DAB1: variants seen among roughly 807,000 people sequenced by gnomAD.
The protein encoded by DAB1 is DAB adaptor protein 1, also known as disabled homolog 1.
DAB1 carries 15 observed loss-of-function variants against 64.6 expected under a neutral mutation model. That is an observed-to-expected ratio of 0.23 (90% CI 0.16 to 0.36). The LOEUF (loss-of-function observed/expected upper bound fraction) is 0.36, where lower values mean the gene tolerates loss of function less well. Ranked by LOEUF, DAB1 falls within the 10% of genes least tolerant of loss-of-function variation. The pLI is 1.00. For synonymous variants in DAB1, 235 were observed against 251.9 expected (o/e 0.93, Z 0.64); for missense variants, 596 against 706.7 (o/e 0.84, Z 1.78).
chr1:57,990,922 C>T (rs1419198690), intron 5 of DAB1, among the ~76,000 whole-genome samples: 1 of 152,110 alleles, frequency 6.6e-6, no homozygotes, highest in African/African-American at 2.4e-5. Context: ...GTTTGGACAC[C>T]AGGAGTCATA....
intron 1 of DAB1, among the ~76,000 whole-genome samples, chr1:57,394,615 T>C (rs1682656622): frequency 6.6e-6 from 1 of 152,248 alleles, no homozygotes; most frequent in African/African-American, 2.4e-5. Flanking sequence ...TAGCTGACCA[T>C]GCCCTTTGAG....
chr1:57,299,755 G>C (rs1570208598), intron 1 of DAB1, among the ~76,000 whole-genome samples: 2 of 152,238 alleles, frequency 1.3e-5, no homozygotes, highest in South Asian at 4.1e-4. Context: ...GCAGCAAGCT[G>C]TCCAAGGGGC....
At chr1:58,322,551 C>T (rs1250429910) in intron 4 of DAB1, among the ~76,000 whole-genome samples, 1 of 152,076 alleles carries the variant, frequency 6.6e-6, no homozygotes, top group African/African-American at 2.4e-5. Context: ...TACCATCTCA[C>T]ACCAGTTAGA....
intron 3 of DAB1, among the ~76,000 whole-genome samples, chr1:58,426,086 C>T (rs540140877): frequency 6.6e-6 from 1 of 152,174 alleles, no homozygotes; most frequent in Non-Finnish European, 1.5e-5. Context: ...CACATCTTTG[C>T]TTTTTCCCTT....
At chr1:57,369,124 G>T (rs557808643) in intron 1 of DAB1, among the ~76,000 whole-genome samples, 2 of 152,164 alleles carry the variant, frequency 1.3e-5, no homozygotes, top group African/African-American at 2.4e-5. Flanking sequence ...CTGATTCAGG[G>T]TTGCATCCTG....
intron 5 of DAB1, among the ~76,000 whole-genome samples, chr1:57,943,153 C>T (rs1244394184): frequency 2.0e-5 from 3 of 152,168 alleles, no homozygotes; most frequent in Admixed American, 6.5e-5. Flanking sequence ...TGCTGCCTGC[C>T]TACAAAGAGT....
At chr1:57,445,437 G>A (rs1205245675) in intron 7 of DAB1, among the ~76,000 whole-genome samples, 1 of 152,104 alleles carries the variant, frequency 6.6e-6, no homozygotes, top group Non-Finnish European at 1.5e-5. Flanking sequence ...ATCTACTATG[G>A]TATCTTCCCT....
intron 9 of DAB1, among the ~76,000 whole-genome samples, chr1:57,034,513 T>C (rs1021671215): frequency 2.0e-5 from 3 of 152,196 alleles, no homozygotes; most frequent in Non-Finnish European, 4.4e-5. Context: ...GTCTGGCACA[T>C]AGCAGTCCTC....
intron 5 of DAB1, among the ~76,000 whole-genome samples, chr1:57,986,206 T>C (rs1235346156): frequency 6.6e-6 from 1 of 152,146 alleles, no homozygotes; most frequent in Non-Finnish European, 1.5e-5. Flanking sequence ...ATGGCCTGAA[T>C]GTTTGCGTGC....
At chr1:57,947,841 G>C (rs985055514) in intron 5 of DAB1, among the ~76,000 whole-genome samples, 1 of 152,170 alleles carries the variant, frequency 6.6e-6, no homozygotes, top group Non-Finnish European at 1.5e-5. Context: ...AGTTCAGATC[G>C]TCAGTATGTC....
intron 2 of DAB1, among the ~76,000 whole-genome samples, chr1:57,182,285 C>T (rs1663053500): frequency 6.6e-6 from 1 of 152,200 alleles, no homozygotes; most frequent in Non-Finnish European, 1.5e-5. Context: ...TAGCAGCTAT[C>T]AATTACTAGT....
intron 3 of DAB1, among the ~76,000 whole-genome samples, chr1:58,435,132 G>GA (rs1321596584): frequency 2.0e-5 from 3 of 152,160 alleles, no homozygotes; most frequent in Non-Finnish European, 4.4e-5. Flanking sequence ...CATCCAATGG[G>GA]AGATTGGTGG....
chr1:58,083,846 ACT>A (rs1438878249), intron 5 of DAB1, among the ~76,000 whole-genome samples: 1 of 152,164 alleles, frequency 6.6e-6, no homozygotes, highest in East Asian at 1.9e-4. Context: ...GTCCGGAGAA[ACT>A]CTGTTTGAGG....
At chr1:58,102,790 T>C (rs768443990) in intron 5 of DAB1, among the ~76,000 whole-genome samples, 2 of 152,196 alleles carry the variant, frequency 1.3e-5, no homozygotes, top group Non-Finnish European at 2.9e-5. Flanking sequence ...TCTCGACCAA[T>C]CATTTTCACA....
At chr1:57,284,784 G>A (rs1480796445) in intron 2 of DAB1, among the ~76,000 whole-genome samples, 9 of 152,188 alleles carry the variant, frequency 5.9e-5, no homozygotes, top group Non-Finnish European at 2.9e-5. Context: ...TTACTTCCCA[G>A]GGCTAATGAC....
intron 6 of DAB1, among the ~76,000 whole-genome samples, chr1:57,738,891 A>ATTGCCACACTTCGAGGTTGGAAACAACTT (rs1176712615): frequency 6.6e-6 from 1 of 152,226 alleles, no homozygotes; most frequent in Non-Finnish European, 1.5e-5. Flanking sequence ...AAGATGCAAG[A>ATTGCCACACTTCGAGGTTGGAAACAACTT]TTGCCACACT....
chr1:57,012,078 CTCT>C (rs1417853977), intron 12 of DAB1, among the ~76,000 whole-genome samples: 1 of 152,206 alleles, frequency 6.6e-6, no homozygotes, highest in East Asian at 1.9e-4. Flanking sequence ...TTTGATACCA[CTCT>C]TCTTTTAATA....
intron 3 of DAB1, among the ~76,000 whole-genome samples, chr1:58,373,166 T>TTTC (rs1291535953): frequency 6.8e-6 from 1 of 147,188 alleles, no homozygotes; most frequent in Non-Finnish European, 1.5e-5. Flanking sequence ...AGCTTACTAT[T>TTTC]TTCTTTTTTT....
At chr1:58,364,337 G>C (rs1017886262) in intron 3 of DAB1, among the ~76,000 whole-genome samples, 7 of 152,178 alleles carry the variant, frequency 4.6e-5, no homozygotes, top group African/African-American at 1.7e-4. Flanking sequence ...TGGGGTAACA[G>C]AAACTAGAAT....
Sources: allele counts gnomAD v4.1 joint callset (sites outside exome capture counted in the v4.1 genomes callset), GRCh38; gene constraint gnomAD v4.1.1; transcripts MANE v1.5; gene names NCBI Gene and HGNC (gene_info 2026-07-23, HGNC 2026-07-21).